Variants in YIPF1 observed in about 807,000 individuals in gnomAD.
YIPF1 encodes protein YIPF1.
In YIPF1, 22 loss-of-function variants were observed where a neutral mutation model predicts 37.0. The ratio of observed to expected loss-of-function variants is 0.59; its 90% CI spans 0.42 to 0.85. The LOEUF is 0.85. Ranked by LOEUF, YIPF1 falls within the 40% of genes least tolerant of loss-of-function variation. The probability of loss-of-function intolerance (pLI) is 0.00; values close to 1 mark genes in which losing one functional copy is unlikely to be tolerated. For synonymous variants in YIPF1, 128 were observed against 131.9 expected, an observed-to-expected ratio of 0.97 and a Z score of 0.21; for missense variants, 355 against 373.1, an observed-to-expected ratio of 0.95 and a Z score of 0.40.
In YIPF1 at chr1:53,866,908, G is replaced by C; in HGVS notation, c.498C>G (p.Thr166=). ...CCAGCCAGGCATAGGCATAGATGAT[G>C]GTAGCTGCTATGGACACTGAGGATG... The part of the protein sequence containing the change: ...PEFRKVSIAA[T]IIYAYAWLVP... The change falls in exon 8 of 11, where the codon ACC becomes ACG. Residue 166 remains threonine, a synonymous_variant. Transcript: ENST00000072644. 9 of 1,612,718 alleles carry C rather than the reference G, an allele frequency of 5.6e-6. No homozygotes were observed. The East Asian group carries it at 2.0e-4, about 36-fold the overall frequency.
intron 7 of YIPF1, among the ~76,000 whole-genome samples, chr1:53,869,956 T>TCCA (rs1283187752): frequency 7.3e-6 from 1 of 137,244 alleles, no homozygotes; most frequent in Admixed American, 7.8e-5. Flanking sequence ...CACTGCAACC[T>TCCA]CCGCCTCCTG....
intron 6 of YIPF1, among the ~76,000 whole-genome samples, chr1:53,875,101 C>A (rs1650300874): frequency 6.6e-6 from 1 of 152,208 alleles, no homozygotes; most frequent in African/African-American, 2.4e-5. Flanking sequence ...CATCTTCAAA[C>A]TGCTCCAATT....
intron 9 of YIPF1, among the ~76,000 whole-genome samples, chr1:53,864,066 A>G (rs183429316): frequency 6.6e-6 from 1 of 152,116 alleles, no homozygotes; most frequent in Non-Finnish European, 1.5e-5. Context: ...AATAATAACC[A>G]TAATAGCTCC....
intron 9 of YIPF1, among the ~76,000 whole-genome samples, chr1:53,865,625 A>G (rs1300697549): frequency 1.3e-5 from 2 of 152,116 alleles, no homozygotes; most frequent in Non-Finnish European, 2.9e-5. Context: ...GAACAAATGT[A>G]TACAGACACT....
In YIPF1 at chr1:53,878,781, G is replaced by A. The variant is rs150346609; in HGVS notation, c.196-59C>T. On this transcript the variant is annotated intron_variant, in intron 4 of 10. Transcript: ENST00000072644. ...TAAGCAATTTCTTAATTCCAGCTGC[G>A]TGGGGTGCAGGAGGGATCTGATCTA... The A allele has an allele frequency of 9.5e-5, 144 of 1,510,188 alleles. No homozygotes were observed. In the East Asian group the frequency reaches 2.6e-3, roughly 27 times the overall value. The allele number at this position is 1,510,188 out of a possible 1,614,324, so 93.5% of individuals were successfully genotyped here.
intron 6 of YIPF1, among the ~76,000 whole-genome samples, chr1:53,876,424 C>CT (rs1650336364): frequency 6.6e-6 from 1 of 152,186 alleles, no homozygotes. Context: ...TTTTTCTTAA[C>CT]TGCCTTCCTC....
chr1:53,874,118 C>T (rs896686847), intron 6 of YIPF1, among the ~76,000 whole-genome samples: 28 of 152,132 alleles, frequency 1.8e-4, no homozygotes, highest in African/African-American at 6.8e-4. Context: ...CCGTTTGCAA[C>T]CCTTCACTGA....
chr1:53,869,654 C>T lies in YIPF1; in HGVS notation c.481+1718G>A, dbSNP rs894551631. The stretch of plus-strand genomic sequence containing the variant: ...GAGCGAGGGAACTGAGAAAGTGGTA[C>T]AGGCCAATCTCCGACAAAGCCAAAC... On this transcript the variant is annotated intron_variant, in intron 7 of 10. Transcript: ENST00000072644. 2.6e-5 allele frequency among the ~76,000 whole-genome samples: 4 copies of T among 152,148 alleles called. No homozygotes were observed. In the South Asian group the frequency reaches 8.3e-4, roughly 32 times the overall value.
At chr1:53,887,586 G>T (rs1650690072) in intron 3 of YIPF1, among the ~76,000 whole-genome samples, 1 of 151,984 alleles carries the variant, frequency 6.6e-6, no homozygotes, top group Non-Finnish European at 1.5e-5. Flanking sequence ...TAGTGGTGGA[G>T]GTGGTCAGAT....
At chr1:53,876,325 G>A (rs1040427392) in intron 6 of YIPF1, among the ~76,000 whole-genome samples, 4 of 151,982 alleles carry the variant, frequency 2.6e-5, no homozygotes, top group Non-Finnish European at 4.4e-5. Flanking sequence ...CTTTACTTAT[G>A]GTTTATTTTG....
At chr1:53,871,847 A>C (rs1229662499) in intron 6 of YIPF1, among the ~76,000 whole-genome samples, 1 of 152,132 alleles carries the variant, frequency 6.6e-6, no homozygotes, top group Non-Finnish European at 1.5e-5. Flanking sequence ...CATGAAGTAA[A>C]GATTACTTCG....
At chr1:53,875,080 T>C (rs899600399) in intron 6 of YIPF1, among the ~76,000 whole-genome samples, 4 of 152,234 alleles carry the variant, frequency 2.6e-5, no homozygotes, top group Non-Finnish European at 4.4e-5. Flanking sequence ...TGCTGAATTA[T>C]AGGGTATAAG....
At chr1:53,868,532 G>A (rs917444649) in intron 7 of YIPF1, among the ~76,000 whole-genome samples, 1 of 152,098 alleles carries the variant, frequency 6.6e-6, no homozygotes, top group Admixed American at 6.5e-5. Flanking sequence ...GCTCAATCAA[G>A]AATTAGTTTT....
intron 9 of YIPF1, among the ~76,000 whole-genome samples, chr1:53,862,137 A>G (rs985111257): frequency 6.6e-6 from 1 of 152,234 alleles, no homozygotes; most frequent in African/African-American, 2.4e-5. Context: ...TGCACCAGAC[A>G]TATACTTGAT....
At chr1:53,889,124 A>C in intron 2 of YIPF1, 120 bp downstream of exon 2, 1 of 481,024 alleles carries the variant, frequency 2.1e-6, no homozygotes, top group Non-Finnish European at 3.8e-6. Flanking sequence ...AAAGATAACC[A>C]CTAAGCATCA....
At chr1:53,881,870 G>A (rs958283834) in intron 4 of YIPF1, among the ~76,000 whole-genome samples, 1 of 152,122 alleles carries the variant, frequency 6.6e-6, no homozygotes, top group East Asian at 1.9e-4. Context: ...TATATACCCA[G>A]AGAAATATAA....
At chr1:53,861,232 C>A (rs1649865850) in intron 9 of YIPF1, among the ~76,000 whole-genome samples, 1 of 152,162 alleles carries the variant, frequency 6.6e-6, no homozygotes, top group African/African-American at 2.4e-5. Flanking sequence ...TCCTTAGGAA[C>A]CCTTCCAGCA....
intron 9 of YIPF1, among the ~76,000 whole-genome samples, chr1:53,864,210 GGAGATGCCAGTGAGGGACGA>G (rs1009455218): frequency 1.3e-5 from 2 of 152,178 alleles, no homozygotes; most frequent in African/African-American, 4.8e-5. Context: ...AAGAGAGACG[GGAGATGCCAGTGAGGGACGA>G]GAGATGCCAG....
chr1:53,888,990 A>G lies in YIPF1; in HGVS notation c.-49-4T>C, dbSNP rs2294509. 6 of 1,536,620 alleles carry G rather than the reference A, an allele frequency of 3.9e-6. No homozygotes were observed. Among genetic ancestry groups the G allele is most frequent in the Non-Finnish European group, 5.4e-6 (6 of 1,112,910 alleles). On this transcript the variant is annotated splice_polypyrimidine_tract_variant and splice_region_variant and intron_variant, in intron 2 of 10. Transcript: ENST00000072644. Reference sequence around the variant, plus strand: ...GAGGAAGAAAATTTGCAGGGTTCTAAAAGAAAAAAATAGGTAAACATAATA... The same window carrying G: ...GAGGAAGAAAATTTGCAGGGTTCTAGAAGAAAAAAATAGGTAAACATAATA...
Sources: gnomAD v4.1 joint callset for allele counts (sites outside exome capture counted in the v4.1 genomes callset) on GRCh38, gnomAD v4.1.1 for gene constraint, MANE v1.5 for transcripts, NCBI Gene and HGNC (gene_info 2026-07-23, HGNC 2026-07-21) for gene names.